The following NPL variants were observed in gnomAD, a reference collection of about 807,000 sequenced individuals.
The protein encoded by NPL is N-acetylneuraminate pyruvate lyase.
In NPL, 32 loss-of-function variants were observed where a neutral mutation model predicts 41.1. That is an observed-to-expected ratio of 0.78 (90% CI 0.59 to 1.05). NPL has a LOEUF of 1.05. Ranked by LOEUF, NPL falls within the 50% of genes least tolerant of loss-of-function variation. The probability of loss-of-function intolerance (pLI) is 0.00; values close to 1 mark genes in which losing one functional copy is unlikely to be tolerated. For synonymous variants in NPL, 128 were observed against 134.9 expected (o/e 0.95, Z 0.35); for missense variants, 321 against 378.4 (o/e 0.85, Z 1.26).
chr1:182,819,274 T>C (rs1273866201), intron 10 of NPL, among the ~76,000 whole-genome samples: 1 of 151,980 alleles, frequency 6.6e-6, no homozygotes, highest in African/African-American at 2.4e-5. Context: ...GGTGAAACCC[T>C]GTCTCTACTA....
At chr1:182,793,381 A>C (rs1159076310) in intron 2 of NPL, among the ~76,000 whole-genome samples, 1 of 152,138 alleles carries the variant, frequency 6.6e-6, no homozygotes, top group East Asian at 1.9e-4. Flanking sequence ...TTTGGCCCCA[A>C]ATGAGTGGTG....
chr1:182,820,033 A>C (rs1383192548), intron 10 of NPL, among the ~76,000 whole-genome samples: 1 of 152,216 alleles, frequency 6.6e-6, no homozygotes, highest in Non-Finnish European at 1.5e-5. Context: ...ATCTTTCTGC[A>C]CATCTCTTTA....
At position 182,792,234 on chromosome 1, in the gene NPL, G is replaced by A. The variant is rs1438094864; in HGVS notation, c.-69G>A. The stretch of plus-strand genomic sequence containing the variant: ...ATTACTATTATCCTCATTTACAGAA[G>A]GGGAAACTGAAGCAGAAAGAGGTTA... On this transcript the variant is annotated splice_region_variant and 5_prime_UTR_variant, in exon 2 of 13. Coordinates refer to ENST00000367553, the MANE Select transcript of NPL (RefSeq NM_030769.3). The A allele has an allele frequency of 6.6e-6, 1 of 152,184 alleles. No homozygotes were observed. The highest frequency in any genetic ancestry group is 1.5e-5 in the Non-Finnish European group (1 of 68,034). The allele number at this position is 152,184 out of a possible 1,614,324, so 9.4% of individuals were successfully genotyped here. A position where few individuals can be genotyped will look rare whatever the true frequency, so the allele number is the denominator to read the frequency against.
intron 11 of NPL, among the ~76,000 whole-genome samples, chr1:182,824,830 G>T (rs183785417): frequency 6.6e-6 from 1 of 152,220 alleles, no homozygotes; most frequent in East Asian, 1.9e-4. Context: ...ATTAAAAGAT[G>T]CATGAGGCTC....
At chr1:182,803,829 T>G in intron 4 of NPL, 58 bp downstream of exon 4, 1 of 1,201,240 alleles carries the variant, frequency 8.3e-7, no homozygotes, top group Non-Finnish European at 1.2e-6. Context: ...AGAAGGTATA[T>G]CTTACCTGGT....
At chr1:182,798,742 G>T (rs1463469824) in intron 3 of NPL, among the ~76,000 whole-genome samples, 1 of 152,206 alleles carries the variant, frequency 6.6e-6, no homozygotes, top group Non-Finnish European at 1.5e-5. Flanking sequence ...GCCTGCTAGA[G>T]TCAGACTGGC....
rs114151486 is a variant in NPL, at chr1:182,790,081, A to C, written c.-72+276A>C. 8.5e-4 allele frequency among the ~76,000 whole-genome samples: 129 copies of C among 152,332 alleles called. 1 individual carries two copies. The highest frequency in any genetic ancestry group is 2.9e-3 in the African/African-American group (120 of 41,562). ...GGTCTCCAAAGGTCCTTTCCTCAAA[A>C]TAGAGTTAGCAATTGAGCAGAAGAG... On this transcript the variant is annotated intron_variant, in intron 1 of 12. Coordinates refer to ENST00000367553, the MANE Select transcript of NPL (RefSeq NM_030769.3).
intron 8 of NPL, 38 bp downstream of exon 8, chr1:182,816,844 C>T (rs1667347554): frequency 2.0e-6 from 3 of 1,477,786 alleles, no homozygotes; most frequent in Non-Finnish European, 2.8e-6. Context: ...TTCCTTCCAA[C>T]TCTCACATCT....
intron 7 of NPL, 112 bp downstream of exon 7, chr1:182,814,970 T>C: frequency 1.2e-6 from 1 of 847,628 alleles, no homozygotes; most frequent in Non-Finnish European, 2.0e-6. Context: ...ATTGGAGGCT[T>C]GAAGTCGCAA....
chr1:182,817,447 G>C (rs532063519), intron 8 of NPL, among the ~76,000 whole-genome samples: 1 of 152,324 alleles, frequency 6.6e-6, no homozygotes, highest in Admixed American at 6.5e-5. Context: ...CAAAATGTGT[G>C]TGGGCATTTC....
intron 2 of NPL, among the ~76,000 whole-genome samples, chr1:182,793,689 T>C (rs1203152318): frequency 1.3e-5 from 2 of 152,202 alleles, no homozygotes; most frequent in Admixed American, 6.5e-5. Flanking sequence ...AAGGTAGTTA[T>C]GTAAATCATG....
Position 182,829,078 on chromosome 1 carries a change from A to AGG in NPL, c.*173_*174dup. On this transcript the variant is annotated 3_prime_UTR_variant, in exon 13 of 13. Transcript: ENST00000367553. ...AGCCTTAAAAAGTCTTATTTTGTGAAGGGGCAAAAACTCTAGGAGTCACAA... is the reference window on the plus strand; with the variant it reads ...AGCCTTAAAAAGTCTTATTTTGTGAAGGGGGGCAAAAACTCTAGGAGTCACAA... 6.9e-7 allele frequency: 1 copy of AGG among 1,440,302 alleles called. No individual in the cohort carries two copies. Among genetic ancestry groups the AGG allele is most frequent in the Non-Finnish European group, 9.1e-7 (1 of 1,103,664 alleles). 89.2% of individuals were successfully genotyped at this position (1,440,302 alleles called of 1,614,324 possible).
At chr1:182,808,308 T>C (rs935795578) in intron 5 of NPL, among the ~76,000 whole-genome samples, 3 of 152,206 alleles carry the variant, frequency 2.0e-5, no homozygotes, top group Non-Finnish European at 4.4e-5. Context: ...TAATAACTAT[T>C]AGATGCCATG....
At chr1:182,809,213 C>T (rs568817519) in intron 5 of NPL, 92 of 452,326 alleles carry the variant, frequency 2.0e-4, no homozygotes, top group Admixed American at 8.4e-4. Flanking sequence ...GGGGACCATC[C>T]GCACAACCCA....
chr1:182,801,268 C>G (rs1325577197), intron 3 of NPL, among the ~76,000 whole-genome samples: 2 of 152,130 alleles, frequency 1.3e-5, no homozygotes, highest in African/African-American at 4.8e-5. Context: ...TTATAAGAAG[C>G]AGCAACCTAC....
intron 2 of NPL, among the ~76,000 whole-genome samples, chr1:182,793,423 A>G (rs112208528): frequency 1.2e-3 from 187 of 152,220 alleles, no homozygotes; most frequent in African/African-American, 4.3e-3. Flanking sequence ...TGCGCTACCC[A>G]TCTGTGGAAG....
chr1:182,806,259 G>A, intron 5 of NPL, 27 bp downstream of exon 5: 1 of 1,614,040 alleles, frequency 6.2e-7, no homozygotes. Context: ...GGATAAAAAT[G>A]CCCTTTGGCA....
At chr1:182,807,202 G>A (rs1346384274) in intron 5 of NPL, among the ~76,000 whole-genome samples, 1 of 152,198 alleles carries the variant, frequency 6.6e-6, no homozygotes, top group Non-Finnish European at 1.5e-5. Context: ...GGCACCAGCA[G>A]TATAAAGTAA....
intron 6 of NPL, 151 bp from the exon 7 acceptor site, chr1:182,814,632 A>G (rs1174468604): frequency 1.4e-6 from 1 of 697,218 alleles, no homozygotes; most frequent in African/African-American, 1.8e-5. Flanking sequence ...TTTCCTGGCA[A>G]TGACATTCAT....
Sources: gnomAD v4.1 joint callset for allele counts (sites outside exome capture counted in the v4.1 genomes callset) on GRCh38, gnomAD v4.1.1 for gene constraint, MANE v1.5 for transcripts, NCBI Gene and HGNC (gene_info 2026-07-23, HGNC 2026-07-21) for gene names.